RALYL: variants seen among roughly 807,000 people sequenced by gnomAD.
The protein encoded by RALYL is RALY RNA binding protein like, also known as RNA-binding Raly-like protein.
In RALYL, 29 loss-of-function variants were observed where a neutral mutation model predicts 35.1. The ratio of observed to expected loss-of-function variants is 0.83; its 90% CI spans 0.61 to 1.13. The LOEUF is 1.13. Among genes scored for constraint, RALYL ranks in the 50% most tolerant of loss-of-function variants. The probability of loss-of-function intolerance (pLI) is 0.00; values close to 1 mark genes in which losing one functional copy is unlikely to be tolerated. For missense variants in RALYL, 359 were observed against 360.4 expected, an observed-to-expected ratio of 1.00 and a Z score of 0.03; for synonymous variants, 120 against 127.6, an observed-to-expected ratio of 0.94 and a Z score of 0.40.
At chr8:84,524,632 A>T (rs796171665) in intron 1 of RALYL, among the ~76,000 whole-genome samples, 6 of 152,298 alleles carry the variant, frequency 3.9e-5, no homozygotes, top group African/African-American at 1.4e-4. Context: ...TTTTATCTAA[A>T]GCACATTTTT....
intron 1 of RALYL, among the ~76,000 whole-genome samples, chr8:84,435,234 T>C (rs2047576054): frequency 6.6e-6 from 1 of 152,182 alleles, no homozygotes; most frequent in South Asian, 2.1e-4. Context: ...ACACAGATAT[T>C]AGAATTCATA....
chr8:84,431,493 A>G (rs954322945), intron 1 of RALYL, among the ~76,000 whole-genome samples: 1 of 152,132 alleles, frequency 6.6e-6, no homozygotes, highest in African/African-American at 2.4e-5. Context: ...GAAACAAAAG[A>G]TAGTCCTCCT....
At chr8:84,621,224 G>T (rs536400582) in intron 2 of RALYL, among the ~76,000 whole-genome samples, 1 of 152,124 alleles carries the variant, frequency 6.6e-6, no homozygotes. Context: ...TCAGACTGCC[G>T]TGCTAGCAAT....
chr8:84,766,733 A>AC (rs1563555883), intron 2 of RALYL, among the ~76,000 whole-genome samples: 5 of 146,292 alleles, frequency 3.4e-5, no homozygotes, highest in African/African-American at 1.3e-4. Context: ...AAAAAAAAAA[A>AC]AAAAAAAAAA....
chr8:84,188,151 G>A (rs1010706917), intron 1 of RALYL, among the ~76,000 whole-genome samples: 1 of 151,666 alleles, frequency 6.6e-6, no homozygotes, highest in Non-Finnish European at 1.5e-5. Context: ...GTACAGTTTT[G>A]TTACATGGCT....
intron 1 of RALYL, among the ~76,000 whole-genome samples, chr8:84,454,657 G>A (rs961753698): frequency 7.9e-5 from 12 of 152,016 alleles, no homozygotes; most frequent in Non-Finnish European, 1.5e-4. Context: ...ATTCGCCTTC[G>A]CATCTAGTTA....
In RALYL at chr8:84,502,389, A is replaced by G. The variant is rs977860273; in HGVS notation, c.-23-26910A>G. On this transcript the variant is annotated intron_variant, in intron 1 of 8. Coordinates refer to ENST00000521268, the MANE Select transcript of RALYL (RefSeq NM_173848.7). ...TGAAGAAGAAAGTCTATAAATCCCAAGCATCCCTTGACCAAGTTCTTTTTA... is the reference window on the plus strand; with the variant it reads ...TGAAGAAGAAAGTCTATAAATCCCAGGCATCCCTTGACCAAGTTCTTTTTA... 2.6e-5 allele frequency among the ~76,000 whole-genome samples: 4 copies of G among 152,074 alleles called. No homozygotes were observed. In the East Asian group the frequency reaches 7.7e-4, roughly 29 times the overall value.
intron 1 of RALYL, among the ~76,000 whole-genome samples, chr8:84,419,293 C>A (rs1487311565): frequency 6.6e-6 from 1 of 152,072 alleles, no homozygotes; most frequent in Non-Finnish European, 1.5e-5. Context: ...TTTCTTGAGC[C>A]TTTTGGTATT....
At chr8:84,600,203 A>G (rs1564211787) in intron 2 of RALYL, among the ~76,000 whole-genome samples, 1 of 152,078 alleles carries the variant, frequency 6.6e-6, no homozygotes, top group Non-Finnish European at 1.5e-5. Context: ...AATACAGAAT[A>G]GTGTAATGTT....
chr8:84,818,258 C>G (rs2134198828), intron 4 of RALYL, among the ~76,000 whole-genome samples: 1 of 152,186 alleles, frequency 6.6e-6, no homozygotes, highest in South Asian at 2.1e-4. Flanking sequence ...AGAGGGAAAG[C>G]AATACTGATT....
intron 1 of RALYL, among the ~76,000 whole-genome samples, chr8:84,471,576 G>A (rs768737177): frequency 6.6e-6 from 1 of 151,974 alleles, no homozygotes; most frequent in Admixed American, 6.6e-5. Context: ...AACAATAACA[G>A]CAACAACAAG....
At chr8:84,389,742 G>C (rs895269887) in intron 1 of RALYL, among the ~76,000 whole-genome samples, 1 of 149,256 alleles carries the variant, frequency 6.7e-6, no homozygotes, top group Non-Finnish European at 1.5e-5. Flanking sequence ...GGAGATTTTG[G>C]GCTGAGACAA....
At chr8:84,918,011 G>A (rs1848744658) in intron 8 of RALYL, among the ~76,000 whole-genome samples, 1 of 151,974 alleles carries the variant, frequency 6.6e-6, no homozygotes, top group African/African-American at 2.4e-5. Flanking sequence ...GATCCATAGT[G>A]GCAACAAGTA....
chr8:84,202,458 C>T (rs1178544245), intron 1 of RALYL, among the ~76,000 whole-genome samples: 4 of 150,816 alleles, frequency 2.7e-5, no homozygotes, highest in Admixed American at 1.3e-4. Context: ...CTGCAACCTC[C>T]GCCTCCCGGG....
chr8:84,202,847 T>C (rs1817220889), intron 1 of RALYL, among the ~76,000 whole-genome samples: 1 of 152,202 alleles, frequency 6.6e-6, no homozygotes, highest in South Asian at 2.1e-4. Context: ...AAATTTAAAA[T>C]ACTATAATGA....
chr8:84,380,411 C>T (rs1229135829), intron 1 of RALYL, among the ~76,000 whole-genome samples: 2 of 151,784 alleles, frequency 1.3e-5, no homozygotes, highest in African/African-American at 4.8e-5. Context: ...AAGAGCCACC[C>T]CTGGTAGACC....
At chr8:84,366,907 G>A (rs939772524) in intron 1 of RALYL, among the ~76,000 whole-genome samples, 1 of 151,598 alleles carries the variant, frequency 6.6e-6, no homozygotes, top group Non-Finnish European at 1.5e-5. Context: ...TCACAACAGT[G>A]GCAAAGGATT....
chr8:84,366,515 G>A (rs987549975), intron 1 of RALYL, among the ~76,000 whole-genome samples: 1 of 152,042 alleles, frequency 6.6e-6, no homozygotes, highest in African/African-American at 2.4e-5. Context: ...CGGTGGCCAC[G>A]CCTATGATCC....
intron 2 of RALYL, among the ~76,000 whole-genome samples, chr8:84,614,421 T>C (rs758142274): frequency 1.2e-4 from 18 of 151,740 alleles, no homozygotes; most frequent in Admixed American, 9.2e-4. Flanking sequence ...ACATAAGAGA[T>C]GGATCTCCTG....
Sources: gnomAD v4.1 joint callset for allele counts (sites outside exome capture counted in the v4.1 genomes callset) on GRCh38, gnomAD v4.1.1 for gene constraint, MANE v1.5 for transcripts, NCBI Gene and HGNC (gene_info 2026-07-23, HGNC 2026-07-21) for gene names.